TRABD2B: variants seen among roughly 807,000 people sequenced by gnomAD.
The protein encoded by TRABD2B is TraB domain containing 2B.
Under a neutral mutation model 40.1 loss-of-function variants are expected in TRABD2B, and 14 were observed. The ratio of observed to expected loss-of-function variants is 0.35; its 90% CI spans 0.23 to 0.55. The LOEUF is 0.55. TRABD2B is among the 20% of genes least tolerant of loss of function. The probability of loss-of-function intolerance (pLI) is 0.90; values close to 1 mark genes in which losing one functional copy is unlikely to be tolerated. For synonymous variants in TRABD2B, 263 were observed against 277.0 expected (o/e 0.95, Z 0.50); for missense variants, 541 against 648.6 (o/e 0.83, Z 1.80).
At chr1:47,836,123 C>G (rs772440366) in intron 2 of TRABD2B, among the ~76,000 whole-genome samples, 1 of 152,126 alleles carries the variant, frequency 6.6e-6, no homozygotes, top group African/African-American at 2.4e-5. Context: ...CTCGGGGCAA[C>G]TACTAGGAAA....
chr1:47,983,805 G>A (rs1341580217), intron 2 of TRABD2B, among the ~76,000 whole-genome samples: 4 of 150,748 alleles, frequency 2.7e-5, no homozygotes, highest in Middle Eastern at 3.6e-3. Context: ...CACTAGAAGT[G>A]TCCTTGTTGG....
intron 5 of TRABD2B, 26 bp downstream of exon 5, chr1:47,778,428 C>T (rs1557559386): frequency 2.0e-6 from 3 of 1,516,418 alleles, no homozygotes; most frequent in Non-Finnish European, 2.7e-6. Context: ...TCAGTGAGGG[C>T]CAAGGCACAC....
At chr1:47,809,551 A>C (rs144820955) in intron 2 of TRABD2B, among the ~76,000 whole-genome samples, 2 of 152,258 alleles carry the variant, frequency 1.3e-5, no homozygotes, top group East Asian at 3.9e-4. Flanking sequence ...AGCTCACTTC[A>C]CAGGAAGCCT....
intron 2 of TRABD2B, among the ~76,000 whole-genome samples, chr1:47,835,793 G>C (rs1477364610): frequency 6.6e-6 from 1 of 152,120 alleles, no homozygotes; most frequent in African/African-American, 2.4e-5. Flanking sequence ...TGAAATGAAA[G>C]GACACTAGAC....
In TRABD2B at chr1:47,943,757, AACACACACACAC is replaced by A. The variant is rs10554684; in HGVS notation, c.666+50265_666+50276del. ...AACTATACGTGAGATGCATCCAGAA[AACACACACACAC>A]ACACACACACACACACACACACACA... On this transcript the variant is annotated intron_variant, in intron 2 of 6. Coordinates refer to ENST00000606738, the MANE Select transcript of TRABD2B (RefSeq NM_001194986.2). Among the ~76,000 whole-genome samples the A allele has an allele frequency of 8.1e-3, 1,184 of 146,816 alleles. 21 individuals are homozygous for A. Among genetic ancestry groups the A allele is most frequent in the African/African-American group, 0.027 (1,053 of 39,630 alleles).
intron 2 of TRABD2B, among the ~76,000 whole-genome samples, chr1:47,957,733 T>C (rs985963556): frequency 2.0e-5 from 3 of 152,180 alleles, no homozygotes; most frequent in Non-Finnish European, 4.4e-5. Flanking sequence ...CTACATCTGA[T>C]TGGTGTACCT....
chr1:47,816,092 C>CTCCA (rs1229180910), intron 2 of TRABD2B, among the ~76,000 whole-genome samples: 1 of 152,180 alleles, frequency 6.6e-6, no homozygotes, highest in Admixed American at 6.5e-5. Context: ...CCTTTGTGAT[C>CTCCA]TGGTCTGGCT....
intron 2 of TRABD2B, among the ~76,000 whole-genome samples, chr1:47,914,627 C>T (rs1557654447): frequency 1.3e-5 from 2 of 152,120 alleles, no homozygotes; most frequent in Non-Finnish European, 1.5e-5. Context: ...GAGAAGACTA[C>T]GCCAGCGCCC....
Position 47,994,576 on chromosome 1 carries a change from G to A in TRABD2B, c.124C>T (p.Leu42=), listed in dbSNP as rs1247891233. Residue 42 remains leucine (L), a synonymous_variant, in exon 2 of 7, where the codon CTG becomes TTG. Transcript: ENST00000606738. This position sits in a 1 kb window ranked among gnomAD's most constrained non-coding sequence, Gnocchi z 6.7. Reference sequence around the variant, plus strand: ...GGAGGATCACGCCGAATCGTCCACAGGAAGGAGTTCAAGTCCCTCTGCTGC... The same window carrying A: ...GGAGGATCACGCCGAATCGTCCACAAGAAGGAGTTCAAGTCCCTCTGCTGC... ...PGSQRDLNSF[L]WTIRRDPPAY... is the part of the protein sequence containing the mutation. The A allele has an allele frequency of 6.5e-7, 1 of 1,535,642 alleles. No individual in the cohort carries two copies. Among genetic ancestry groups the A allele is most frequent in the Non-Finnish European group, 8.7e-7 (1 of 1,146,740 alleles).
intron 2 of TRABD2B, among the ~76,000 whole-genome samples, chr1:47,844,520 G>A (rs1378712537): frequency 6.6e-6 from 1 of 152,198 alleles, no homozygotes; most frequent in East Asian, 1.9e-4. Context: ...CATCTTTTGG[G>A]CCAGGCTCTG....
At chr1:47,917,865 G>A (rs1026561957) in intron 2 of TRABD2B, among the ~76,000 whole-genome samples, 2 of 152,220 alleles carry the variant, frequency 1.3e-5, no homozygotes, top group Non-Finnish European at 2.9e-5. Flanking sequence ...GTGTGCTGCT[G>A]GGGAAGGGCT....
At chr1:47,979,048 G>C (rs57263078) in intron 2 of TRABD2B, among the ~76,000 whole-genome samples, 3,719 of 152,130 alleles carry the variant, frequency 0.024, 115 homozygotes, top group Admixed American at 0.088. Flanking sequence ...ACCAGGAGTC[G>C]GTCAGAGCAC....
Position 47,913,812 on chromosome 1 carries a change from G to A in TRABD2B, c.666+80222C>T, listed in dbSNP as rs1211345667. ...ATTAAATAAAGAAACTTAAGGCAAG[G>A]AGGGGAAAGAGCCTTCTATGTGCCT... On this transcript the variant is annotated intron_variant, in intron 2 of 6. Transcript: ENST00000606738. 2.6e-5 allele frequency among the ~76,000 whole-genome samples: 4 copies of A among 152,326 alleles called. No individual in the cohort carries two copies. In the East Asian group the frequency reaches 7.7e-4, roughly 29 times the overall value.
In TRABD2B at chr1:47,997,301, C is replaced by T; in HGVS notation, c.-512G>A. On this transcript the variant is annotated 5_prime_UTR_variant, in exon 1 of 7. Transcript: ENST00000606738. ...TCTGGGGCGACCGGCTGCCCCCGAG[C>T]CCGGCTCAGAGGGGCGGCGGGCGGC... 2.3e-6 allele frequency: 2 copies of T among 869,922 alleles called. No individual in the cohort carries two copies. The highest frequency in any genetic ancestry group is 2.8e-6 in the Non-Finnish European group (2 of 727,040). 53.9% of individuals were successfully genotyped at this position (869,922 alleles called of 1,614,324 possible). A position where few individuals can be genotyped will look rare whatever the true frequency, so the allele number is the denominator to read the frequency against.
intron 2 of TRABD2B, among the ~76,000 whole-genome samples, chr1:47,907,982 A>T (rs1209156155): frequency 6.6e-6 from 1 of 152,050 alleles, no homozygotes; most frequent in Admixed American, 6.5e-5. Context: ...AATTTTCCGT[A>T]TTTCTTTTCT....
At chr1:47,807,870 G>T (rs1439326492) in intron 2 of TRABD2B, among the ~76,000 whole-genome samples, 1 of 152,144 alleles carries the variant, frequency 6.6e-6, no homozygotes, top group Non-Finnish European at 1.5e-5. Context: ...CATGTTAGGT[G>T]GAACTATGGC....
chr1:47,908,031 A>T (rs950787071), intron 2 of TRABD2B, among the ~76,000 whole-genome samples: 1 of 152,156 alleles, frequency 6.6e-6, no homozygotes, highest in Non-Finnish European at 1.5e-5. Context: ...GTTCTCTCCC[A>T]TGAAACTGTG....
intron 2 of TRABD2B, among the ~76,000 whole-genome samples, chr1:47,919,291 G>GCA (rs1359277278): frequency 2.0e-5 from 3 of 152,388 alleles, no homozygotes; most frequent in Non-Finnish European, 4.4e-5. Context: ...GGCTGGGCCA[G>GCA]TGAATGAACT....
chr1:47,913,475 T>C (rs1644789699), intron 2 of TRABD2B, among the ~76,000 whole-genome samples: 1 of 152,204 alleles, frequency 6.6e-6, no homozygotes, highest in South Asian at 2.1e-4. Context: ...GCTCACTGTT[T>C]ACCCAGTGCC....
Sources: gnomAD v4.1 joint callset for allele counts (sites outside exome capture counted in the v4.1 genomes callset) on GRCh38, gnomAD v4.1.1 for gene constraint, Gnocchi (gnomAD v3.1) non-coding constraint, MANE v1.5 for transcripts, NCBI Gene and HGNC (gene_info 2026-07-23, HGNC 2026-07-21) for gene names.